PITPNC1: variants seen among roughly 807,000 people sequenced by gnomAD.
The protein encoded by PITPNC1 is cytoplasmic phosphatidylinositol transfer protein 1.
PITPNC1 carries 18 observed loss-of-function variants against 44.7 expected under a neutral mutation model. The observed-to-expected ratio is 0.40, with a 90% CI of 0.28 to 0.60. The LOEUF is 0.60. Ranked by LOEUF, PITPNC1 falls within the 20% of genes least tolerant of loss-of-function variation. PITPNC1 has a pLI of 0.39. For missense variants in PITPNC1, 290 were observed against 418.4 expected, an observed-to-expected ratio of 0.69 and a Z score of 2.68; for synonymous variants, 141 against 149.6, an observed-to-expected ratio of 0.94 and a Z score of 0.42.
At chr17:67,523,900 C>T (rs978937881) in intron 1 of PITPNC1, among the ~76,000 whole-genome samples, 1 of 151,340 alleles carries the variant, frequency 6.6e-6, no homozygotes, top group Non-Finnish European at 1.5e-5. Flanking sequence ...CAACCTCCGC[C>T]TCCCGGGTTC....
chr17:67,512,508 A>ACAAAC (rs745678437), intron 1 of PITPNC1, among the ~76,000 whole-genome samples: 1 of 150,648 alleles, frequency 6.6e-6, no homozygotes, highest in African/African-American at 2.4e-5. Context: ...CTCAAAAAAA[A>ACAAAC]AAAAAAAAAA....
intron 1 of PITPNC1, among the ~76,000 whole-genome samples, chr17:67,512,337 T>C (rs1306894833): frequency 6.6e-6 from 1 of 151,938 alleles, no homozygotes; most frequent in Non-Finnish European, 1.5e-5. Context: ...CCGTCTCTAC[T>C]AAAATACAAA....
rs2040136652 is a variant in PITPNC1, at chr17:67,508,535, T to G, written c.49-24267T>G. On this transcript the variant is annotated intron_variant, in intron 1 of 8. Coordinates refer to ENST00000581322, the MANE Select transcript of PITPNC1 (RefSeq NM_012417.4). This position sits in a 1 kb window ranked among gnomAD's most constrained non-coding sequence, Gnocchi z 4.2. ...TGGGTTCTCTACTGCAAACCTGTTT[T>G]TTTATGACCTGTATCTCACGCCGAC... is the stretch of plus-strand genomic sequence containing the variant. Among the ~76,000 whole-genome samples the G allele has an allele frequency of 6.6e-6, 1 of 152,218 alleles. No individual in the cohort carries two copies. The highest frequency in any genetic ancestry group is 6.5e-5 in the Admixed American group (1 of 15,288).
chr17:67,501,895 G>A (rs1057195032), intron 1 of PITPNC1, among the ~76,000 whole-genome samples: 2 of 152,084 alleles, frequency 1.3e-5, no homozygotes, highest in South Asian at 2.1e-4. Context: ...TGAAATTCTC[G>A]TCATTTTGGT....
At chr17:67,395,174 T>C (rs1206116870) in intron 1 of PITPNC1, among the ~76,000 whole-genome samples, 3 of 151,892 alleles carry the variant, frequency 2.0e-5, no homozygotes, top group Non-Finnish European at 4.4e-5. Context: ...TTTTTTCTTT[T>C]TTTTTTTTTT....
chr17:67,435,937 A>T (rs952708463), intron 1 of PITPNC1, among the ~76,000 whole-genome samples: 2 of 152,134 alleles, frequency 1.3e-5, no homozygotes, highest in African/African-American at 2.4e-5. Context: ...TAATCGAGTG[A>T]CCTAAGATGT....
At chr17:67,425,299 A>T (rs1000248553) in intron 1 of PITPNC1, among the ~76,000 whole-genome samples, 2 of 150,178 alleles carry the variant, frequency 1.3e-5, no homozygotes, top group African/African-American at 4.9e-5. Flanking sequence ...TCTCTAGAGA[A>T]AGAAGAATCA....
rs1400168483 is a variant in PITPNC1 at position 67,385,123 on chromosome 17, T to C, written c.48+6921T>C. 3.9e-5 allele frequency among the ~76,000 whole-genome samples: 6 copies of C among 152,240 alleles called. No homozygotes were observed. In the East Asian group the frequency reaches 1.2e-3, roughly 29 times the overall value. On this transcript the variant is annotated intron_variant, in intron 1 of 8. Transcript: ENST00000581322. ...GGGAGGTGAAGCCAGTTGGACTTCT[T>C]GGTCCGGTGGGGACTTGGAGAACTT...
chr17:67,455,605 G>T (rs535487972), intron 1 of PITPNC1, among the ~76,000 whole-genome samples: 62 of 142,884 alleles, frequency 4.3e-4, no homozygotes, highest in African/African-American at 1.3e-3. Flanking sequence ...GTTTTTTTTT[G>T]TTTTTTTTGT....
intron 2 of PITPNC1, 28 bp downstream of exon 2, chr17:67,532,978 C>G (rs746790597): frequency 1.3e-6 from 2 of 1,582,510 alleles, no homozygotes; most frequent in Non-Finnish European, 1.7e-6. Context: ...GCGTTCTGCA[C>G]AGAAGCCCCC....
At chr17:67,624,174 C>A (rs1308338060) in intron 5 of PITPNC1, among the ~76,000 whole-genome samples, 1 of 147,822 alleles carries the variant, frequency 6.8e-6, no homozygotes, top group African/African-American at 2.5e-5. Flanking sequence ...GTGCGTAAGT[C>A]TTTTCCTTTA....
At chr17:67,679,475 A>G (rs2042664080) in intron 8 of PITPNC1, among the ~76,000 whole-genome samples, 1 of 152,208 alleles carries the variant, frequency 6.6e-6, no homozygotes, top group Admixed American at 6.5e-5. Flanking sequence ...CAAACTGTAC[A>G]CACTGATGCA....
intron 5 of PITPNC1, among the ~76,000 whole-genome samples, chr17:67,591,354 A>G (rs73335973): frequency 0.019 from 2,827 of 152,368 alleles, 96 homozygotes; most frequent in African/African-American, 0.065. Context: ...AACTGGAGAA[A>G]AAGAGCCCAA....
In PITPNC1 at chr17:67,684,206, G is replaced by C. The variant is rs1204913007; in HGVS notation, c.683-8366G>C. On this transcript the variant is annotated intron_variant, in intron 8 of 8. Transcript: ENST00000581322. ...GACTCACTGCAGCCTCCGTCTCCCA[G>C]GTTCAAGCGATTCTTGTACCTCAGC... Among the ~76,000 whole-genome samples, 6 of 149,078 alleles carry C rather than the reference G, an allele frequency of 4.0e-5. No homozygotes were observed. The East Asian group carries it at 1.2e-3, about 30-fold the overall frequency.
At chr17:67,655,377 T>G (rs1019007217) in intron 6 of PITPNC1, among the ~76,000 whole-genome samples, 1 of 151,326 alleles carries the variant, frequency 6.6e-6, no homozygotes. Flanking sequence ...GCTAACACGG[T>G]GAAACCCCAT....
intron 5 of PITPNC1, among the ~76,000 whole-genome samples, chr17:67,625,856 C>A (rs935061999): frequency 2.6e-5 from 4 of 152,120 alleles, no homozygotes; most frequent in Non-Finnish European, 4.4e-5. Flanking sequence ...CCACAGATCT[C>A]TGATGATCAG....
chr17:67,461,128 A>G (rs536947711), intron 1 of PITPNC1, among the ~76,000 whole-genome samples: 23 of 152,184 alleles, frequency 1.5e-4, no homozygotes, highest in African/African-American at 5.1e-4. Flanking sequence ...CATCATACCT[A>G]GGCCATGGTC....
chr17:67,584,479 A>G (rs916389384), intron 5 of PITPNC1, among the ~76,000 whole-genome samples: 3 of 152,200 alleles, frequency 2.0e-5, no homozygotes, highest in Non-Finnish European at 4.4e-5. Flanking sequence ...TCTTTGTGAA[A>G]CAGAAAGATC....
intron 5 of PITPNC1, among the ~76,000 whole-genome samples, chr17:67,605,636 G>A (rs910011346): frequency 1.2e-4 from 18 of 152,078 alleles, no homozygotes; most frequent in South Asian, 6.2e-4. Context: ...CCTTTTATCC[G>A]TTGTGGGCTG....
Sources: allele counts gnomAD v4.1 joint callset (sites outside exome capture counted in the v4.1 genomes callset), GRCh38; gene constraint gnomAD v4.1.1; non-coding constraint Gnocchi (gnomAD v3.1); transcripts MANE v1.5; gene names NCBI Gene and HGNC (gene_info 2026-07-23, HGNC 2026-07-21).